CDH23: variants seen among roughly 807,000 people sequenced by gnomAD.
CDH23 encodes cadherin-23.
CDH23 carries 189 observed loss-of-function variants against 317.1 expected under a neutral mutation model. That is an observed-to-expected ratio of 0.60 (90% CI 0.53 to 0.67). CDH23 has a LOEUF of 0.67. CDH23 is among the 30% of genes least tolerant of loss of function. The pLI is 0.00. For synonymous variants in CDH23, 1,839 were observed against 1,876.8 expected (o/e 0.98, Z 0.52); for missense variants, 4,401 against 4,592.4 (o/e 0.96, Z 1.20).
chr10:71,662,305 G>T lies in CDH23; in HGVS notation c.1450-12807G>T, dbSNP rs1407962813. ...ATCAGCACCCGCCAGTGACAGGCGT[G>T]GGGGGTGTCCTGCCAGGCACCAAGT... is the stretch of plus-strand genomic sequence containing the variant. On this transcript the variant is annotated intron_variant, in intron 14 of 69. Coordinates refer to ENST00000224721, the MANE Select transcript of CDH23 (RefSeq NM_022124.6). Among the ~76,000 whole-genome samples the T allele has an allele frequency of 1.3e-5, 2 of 152,132 alleles. 1 individual carries two copies. The highest frequency in any genetic ancestry group is 4.1e-4 in the South Asian group (2 of 4,830).
chr10:71,744,126 T>C (rs548327507), intron 38 of CDH23, among the ~76,000 whole-genome samples: 1 of 152,276 alleles, frequency 6.6e-6, no homozygotes, highest in African/African-American at 2.4e-5. Context: ...GACAGGATTA[T>C]CATGGTCAGC....
chr10:71,797,209 G>A lies in CDH23; in HGVS notation c.6818G>A (p.Ser2273Asn), dbSNP rs749232618. ...AGCGACCTACCAGAGCGCTCTGTCA[G>A]TGTGCCAAATGGTAAGGTTCCCTGC... ...NASDLPERSV[S>N]VPNAKLTVNV... Residue 2273 changes from serine to asparagine, a missense_variant, in exon 49 of 70, where the codon AGT (serine) becomes AAT (asparagine). Around this residue, in one of 3 missense-constraint regions of CDH23, gnomAD observed 3,068 missense variants for 3,203.3 expected, o/e 0.96. Coordinates refer to ENST00000224721, the MANE Select transcript of CDH23 (RefSeq NM_022124.6). 2 of 1,611,250 alleles carry A rather than the reference G, an allele frequency of 1.2e-6. No individual in the cohort carries two copies. The highest frequency in any genetic ancestry group is 2.2e-5 in the South Asian group (2 of 90,582).
chr10:71,474,990 T>G (rs1851713698), intron 3 of CDH23, among the ~76,000 whole-genome samples: 1 of 152,254 alleles, frequency 6.6e-6, no homozygotes, highest in African/African-American at 2.4e-5. Context: ...CCTTGATGAC[T>G]TCAAGTAAGA....
At chr10:71,670,959 ATC>A (rs1197747961) in intron 14 of CDH23, among the ~76,000 whole-genome samples, 1 of 143,862 alleles carries the variant, frequency 7.0e-6, no homozygotes, top group Non-Finnish European at 1.5e-5. Flanking sequence ...CTGATTTGGC[ATC>A]TTTTTTTTTT....
chr10:71,454,845 A>G (rs1047393500), intron 3 of CDH23, among the ~76,000 whole-genome samples: 3 of 141,256 alleles, frequency 2.1e-5, no homozygotes, highest in Non-Finnish European at 4.6e-5. Context: ...TTTACATTTT[A>G]TTTTTTTTTT....
chr10:71,543,772 C>T (rs1487143878), intron 6 of CDH23, among the ~76,000 whole-genome samples: 1 of 152,230 alleles, frequency 6.6e-6, no homozygotes, highest in Non-Finnish European at 1.5e-5. Flanking sequence ...ACCCTCTTAC[C>T]AGCCACCCCA....
At chr10:71,572,538 T>A (rs1857886800) in intron 8 of CDH23, among the ~76,000 whole-genome samples, 1 of 152,120 alleles carries the variant, frequency 6.6e-6, no homozygotes, top group African/African-American at 2.4e-5. Flanking sequence ...ATGGAATGGA[T>A]AAATGAACAA....
intron 21 of CDH23, among the ~76,000 whole-genome samples, chr10:71,694,610 G>A (rs543176208): frequency 6.6e-6 from 1 of 152,262 alleles, no homozygotes; most frequent in East Asian, 1.9e-4. Flanking sequence ...TTCCTGCGAG[G>A]AAGAGCAGCT....
chr10:71,601,011 G>A (rs2132475337), intron 9 of CDH23, among the ~76,000 whole-genome samples: 1 of 152,326 alleles, frequency 6.6e-6, no homozygotes, highest in East Asian at 1.9e-4. Flanking sequence ...ACATTGCTGA[G>A]TGGGTTTGTG....
At chr10:71,608,010 A>G (rs1014244072) in intron 9 of CDH23, among the ~76,000 whole-genome samples, 4 of 152,362 alleles carry the variant, frequency 2.6e-5, no homozygotes, top group African/African-American at 9.6e-5. Context: ...TACGTACATG[A>G]TCACTCCTGA....
chr10:71,753,937 G>A, intron 38 of CDH23: 1 of 452,966 alleles, frequency 2.2e-6, no homozygotes. Flanking sequence ...CACCCTTTGG[G>A]GTGAGGGTTG....
chr10:71,791,059 G>A (rs908255784), intron 46 of CDH23, 73 bp from the exon 47 acceptor site: 1 of 1,199,528 alleles, frequency 8.3e-7, no homozygotes, highest in South Asian at 1.3e-5. Flanking sequence ...CTCTCTCCCT[G>A]TTGGTTCTTG....
intron 38 of CDH23, among the ~76,000 whole-genome samples, chr10:71,743,678 C>T (rs1373849944): frequency 2.0e-5 from 3 of 152,104 alleles, no homozygotes; most frequent in Admixed American, 1.3e-4. Context: ...ATTGTGTTAA[C>T]GTGGGAGGAC....
At chr10:71,767,980 C>G (rs958070625) in intron 38 of CDH23, among the ~76,000 whole-genome samples, 1 of 152,172 alleles carries the variant, frequency 6.6e-6, no homozygotes, top group Non-Finnish European at 1.5e-5. Flanking sequence ...GGATGAACCC[C>G]TCCCAGACTC....
At chr10:71,583,403 C>A (rs115510021) in intron 9 of CDH23, among the ~76,000 whole-genome samples, 4 of 151,834 alleles carry the variant, frequency 2.6e-5, no homozygotes, top group Non-Finnish European at 1.5e-5. Flanking sequence ...GTCAGGATTG[C>A]GTTTGGGAAG....
At chr10:71,705,160 G>A (rs1347489991) in intron 25 of CDH23, 30 bp downstream of exon 25, 3 of 1,584,918 alleles carry the variant, frequency 1.9e-6, no homozygotes, top group South Asian at 2.2e-5. Context: ...TCTGCTGTGT[G>A]CTCAGTGTGT....
chr10:71,578,925 C>G (rs960237470), intron 9 of CDH23, among the ~76,000 whole-genome samples: 1 of 152,192 alleles, frequency 6.6e-6, no homozygotes, highest in African/African-American at 2.4e-5. Flanking sequence ...CCCTAAAGCT[C>G]AGAGGACAGC....
chr10:71,412,972 A>T (rs2131925362), intron 1 of CDH23, among the ~76,000 whole-genome samples: 1 of 152,184 alleles, frequency 6.6e-6, no homozygotes, highest in South Asian at 2.1e-4. Context: ...ATGCAGAAAA[A>T]ATTTTAATTT....
chr10:71,753,086 G>T, intron 38 of CDH23: 1 of 1,526,772 alleles, frequency 6.5e-7, no homozygotes, highest in Non-Finnish European at 8.9e-7. Context: ...CAGATGCCCT[G>T]CAGGGAACAG....
Sources: gnomAD v4.1 joint callset for allele counts (sites outside exome capture counted in the v4.1 genomes callset) on GRCh38, gnomAD v4.1.1 for gene constraint, gnomAD v4.1.1 regional missense constraint, MANE v1.5 for transcripts, NCBI Gene and HGNC (gene_info 2026-07-23, HGNC 2026-07-21) for gene names.